The following SYT14 variants were observed in gnomAD, a reference collection of about 807,000 sequenced individuals.
SYT14 encodes the protein synaptotagmin 14, also known as synaptotagmin-14.
In SYT14, 32 loss-of-function variants were observed where a neutral mutation model predicts 74.2. The observed-to-expected ratio is 0.43, with a 90% CI of 0.33 to 0.58. SYT14 has a LOEUF of 0.58. Among genes scored for constraint, SYT14 ranks in the 20% least tolerant of loss-of-function variants. SYT14 has a pLI of 0.05. For synonymous variants in SYT14, 298 were observed against 337.7 expected (o/e 0.88, Z 1.29); for missense variants, 791 against 981.8 (o/e 0.81, Z 2.60).
intron 2 of SYT14, among the ~76,000 whole-genome samples, chr1:209,983,820 A>G (rs932500236): frequency 3.3e-5 from 5 of 152,284 alleles, no homozygotes; most frequent in South Asian, 2.1e-4. Flanking sequence ...TGAACACTCT[A>G]TTGTGGTAAG....
intron 5 of SYT14, among the ~76,000 whole-genome samples, chr1:210,041,923 T>G (rs1052621517): frequency 6.6e-6 from 1 of 152,090 alleles, no homozygotes. Context: ...GCAGCACAAC[T>G]GAGGGACCTC....
chr1:210,163,641 T>C (rs774844120), exon 10 of SYT14: 11 of 453,666 alleles, frequency 2.4e-5, no homozygotes, highest in Non-Finnish European at 4.4e-5. Context: ...TCTGCTGCTG[T>C]TCTCCTTCAC....
chr1:210,122,258 G>A lies in SYT14; in HGVS notation c.2034+21797G>A, dbSNP rs1483793793. Among the ~76,000 whole-genome samples the A allele has an allele frequency of 1.6e-4, 3 of 18,744 alleles. 1 individual carries two copies. Among genetic ancestry groups the A allele is most frequent in the Non-Finnish European group, 2.6e-4 (3 of 11,720 alleles). 12.3% of individuals were successfully genotyped at this position (18,744 alleles called of 152,430 possible). A position where few individuals can be genotyped will look rare whatever the true frequency, so the allele number is the denominator to read the frequency against. On this transcript the variant is annotated intron_variant, in intron 7 of 9. Transcript: ENST00000637265. ...CTCCCAAAGTGCTGGGATTACAGGCGTGAGCCACCGCGCCCGGCCCAAATC... is the reference window on the plus strand; with the variant it reads ...CTCCCAAAGTGCTGGGATTACAGGCATGAGCCACCGCGCCCGGCCCAAATC...
At chr1:210,130,804 C>A (rs919801804) in intron 7 of SYT14, among the ~76,000 whole-genome samples, 6 of 152,166 alleles carry the variant, frequency 3.9e-5, no homozygotes, top group Non-Finnish European at 7.3e-5. Context: ...ACAGTAATAA[C>A]ATCATATGTA....
intron 5 of SYT14, among the ~76,000 whole-genome samples, chr1:210,069,605 C>T (rs1430959625): frequency 6.6e-6 from 1 of 151,800 alleles, no homozygotes; most frequent in African/African-American, 2.4e-5. Flanking sequence ...TGTGCTTACA[C>T]AGCTTTTAAA....
At chr1:210,052,630 C>G (rs1411829752) in intron 5 of SYT14, among the ~76,000 whole-genome samples, 1 of 126,768 alleles carries the variant, frequency 7.9e-6, no homozygotes, top group Non-Finnish European at 1.6e-5. Flanking sequence ...CCACTGCACT[C>G]CAGCCTGGGC....
intron 6 of SYT14, among the ~76,000 whole-genome samples, chr1:210,096,077 A>G (rs1043595718): frequency 3.3e-5 from 5 of 152,184 alleles, no homozygotes; most frequent in Non-Finnish European, 5.9e-5. Flanking sequence ...AATTCTAACA[A>G]CCACATCTTT....
intron 5 of SYT14, among the ~76,000 whole-genome samples, chr1:210,022,620 G>T (rs889757502): frequency 6.6e-6 from 1 of 152,102 alleles, no homozygotes; most frequent in East Asian, 1.9e-4. Flanking sequence ...ATTGTTTTTA[G>T]ATTTCTTTCA....
intron 9 of SYT14, 121 bp downstream of exon 8, chr1:210,159,598 C>A (rs2083333979): frequency 1.2e-6 from 1 of 819,492 alleles, no homozygotes; most frequent in South Asian, 1.5e-5. Context: ...CATTTATTAT[C>A]TGTGGTACTT....
chr1:210,163,694 T>C (rs2083418870), exon 10 of SYT14: 1 of 453,740 alleles, frequency 2.2e-6, no homozygotes, highest in East Asian at 6.9e-5. Flanking sequence ...TGACACAACT[T>C]ATAATAATTA....
intron 1 of SYT14, among the ~76,000 whole-genome samples, chr1:209,942,454 G>T (rs991147101): frequency 6.9e-6 from 1 of 144,814 alleles, no homozygotes; most frequent in Admixed American, 7.1e-5. Context: ...CAACAACCTT[G>T]CATTATAGTT....
chr1:210,110,403 T>C (rs1280167967), intron 7 of SYT14, among the ~76,000 whole-genome samples: 1 of 152,090 alleles, frequency 6.6e-6, no homozygotes, highest in African/African-American at 2.4e-5. Flanking sequence ...TAAAGGAAAA[T>C]AGTTATTCTT....
chr1:209,952,579 G>A lies in SYT14; in HGVS notation c.-533-130G>A, dbSNP rs185601388. On this transcript the variant is annotated intron_variant, in intron 1 of 9. Coordinates refer to ENST00000637265, the Ensembl canonical transcript of SYT14. The stretch of plus-strand genomic sequence containing the variant: ...TAGGCTATAATATTCATTTAGTTAA[G>A]TATAAAGAGAAGAGTTAGGGAAACT... 8.5e-6 allele frequency: 6 copies of A among 709,310 alleles called. No homozygotes were observed. In the Admixed American group the frequency reaches 9.2e-5, roughly 11 times the overall value. The allele number at this position is 709,310 out of a possible 1,614,324, so 43.9% of individuals were successfully genotyped here. A position where few individuals can be genotyped will look rare whatever the true frequency, so the allele number is the denominator to read the frequency against.
At chr1:210,152,353 C>T (rs1311535555) in intron 7 of SYT14, among the ~76,000 whole-genome samples, 5 of 152,110 alleles carry the variant, frequency 3.3e-5, no homozygotes, top group Admixed American at 6.5e-5. Flanking sequence ...GTTTAAACTC[C>T]AGGATTCTTT....
chr1:210,145,006 G>A (rs1220974872), intron 7 of SYT14, among the ~76,000 whole-genome samples: 1 of 152,128 alleles, frequency 6.6e-6, no homozygotes, highest in African/African-American at 2.4e-5. Flanking sequence ...AAATGTGATA[G>A]ACTAGTAAGA....
chr1:209,977,710 CT>C (rs1403394708), intron 2 of SYT14, among the ~76,000 whole-genome samples: 2 of 152,110 alleles, frequency 1.3e-5, no homozygotes, highest in East Asian at 3.9e-4. Context: ...GGAGGAGTAT[CT>C]TTGTGGCATT....
At chr1:210,071,372 T>C (rs1012719501) in intron 5 of SYT14, among the ~76,000 whole-genome samples, 1 of 146,188 alleles carries the variant, frequency 6.8e-6, no homozygotes, top group African/African-American at 2.5e-5. Flanking sequence ...TACATTGTAA[T>C]ACATATCTTA....
chr1:209,969,640 A>G (rs2079214210), intron 2 of SYT14, among the ~76,000 whole-genome samples: 1 of 151,704 alleles, frequency 6.6e-6, no homozygotes, highest in Non-Finnish European at 1.5e-5. Context: ...GGCGCGTGCC[A>G]CCACACTGGG....
At chr1:210,050,291 AAG>A (rs2080968462) in intron 5 of SYT14, among the ~76,000 whole-genome samples, 3 of 152,188 alleles carry the variant, frequency 2.0e-5, no homozygotes, top group African/African-American at 7.2e-5. Context: ...AAAACATAAC[AAG>A]AGTCACCTTT....
Sources: allele counts gnomAD v4.1 joint callset (sites outside exome capture counted in the v4.1 genomes callset), GRCh38; gene constraint gnomAD v4.1.1; transcripts MANE v1.5; gene names NCBI Gene and HGNC (gene_info 2026-07-23, HGNC 2026-07-21).